GTF2IRD2: variants seen among roughly 807,000 people sequenced by gnomAD.
The protein encoded by GTF2IRD2 is GTF2I repeat domain containing 2, also known as general transcription factor II-I repeat domain-containing protein 2A.
Under a neutral mutation model 49.2 loss-of-function variants are expected in GTF2IRD2, and 8 were observed. That is an observed-to-expected ratio of 0.16 (90% CI 0.10 to 0.29). The LOEUF (loss-of-function observed/expected upper bound fraction) is 0.29, where lower values mean the gene tolerates loss of function less well. GTF2IRD2 is among the 10% of genes least tolerant of loss of function. The probability of loss-of-function intolerance (pLI) is 1.00; values close to 1 mark genes in which losing one functional copy is unlikely to be tolerated. For missense variants in GTF2IRD2, 130 were observed against 725.7 expected, an observed-to-expected ratio of 0.18 and a Z score of 9.43; for synonymous variants, 47 against 289.7, an observed-to-expected ratio of 0.16 and a Z score of 8.51.
intron 15 of GTF2IRD2, chr7:74,799,302 A>T: frequency 6.9e-6 from 1 of 145,174 alleles, no homozygotes; most frequent in Non-Finnish European, 1.3e-5. Flanking sequence ...CCCAGGCTGG[A>T]GTGTAGTATT....
At position 74,797,679 on chromosome 7, in the gene GTF2IRD2, C is replaced by T. The variant is rs782480852; in HGVS notation, c.1833G>A (p.Ser611=). The T allele has an allele frequency of 6.3e-6, 10 of 1,582,068 alleles. No individual in the cohort carries two copies. Among genetic ancestry groups the T allele is most frequent in the African/African-American group, 5.5e-5 (4 of 72,482 alleles). The change falls in exon 16 of 16, where the codon TCG becomes TCA. Residue 611 remains serine (S), a synonymous_variant. Transcript: ENST00000451013. ...CAGTGGAGGCCACGCTTACTAATTT[C>T]GACCAGTCGATACAGAAGTTTTTCA... ...KSLKNFCIDW[S]KLVSVASTGT...
At position 74,842,366 on chromosome 7, in the gene GTF2IRD2, A is replaced by T. The variant is rs1325163539; in HGVS notation, c.-5-5983T>A. 1.4e-3 allele frequency among the ~76,000 whole-genome samples: 191 copies of T among 133,680 alleles called. 7 individuals are homozygous for T. The highest frequency in any genetic ancestry group is 2.0e-3 in the Non-Finnish European group (129 of 63,900). 87.7% of individuals were successfully genotyped at this position (133,680 alleles called of 152,430 possible). A position where few individuals can be genotyped will look rare whatever the true frequency, so the allele number is the denominator to read the frequency against. On this transcript the variant is annotated intron_variant, in intron 1 of 15. Coordinates refer to ENST00000451013, the MANE Select transcript of GTF2IRD2 (RefSeq NM_173537.5). ...TGCCTCAGCCTCCTGAGTAGCTAGG[A>T]TTACAGGCGTGCACCACCATGCCCA...
At chr7:74,826,691 A>G (rs1446852755) in intron 3 of GTF2IRD2, among the ~76,000 whole-genome samples, 1 of 71,544 alleles carries the variant, frequency 1.4e-5, no homozygotes, top group Admixed American at 1.6e-4. Context: ...AAAAGACATC[A>G]TTTCATTCTT....
intron 3 of GTF2IRD2, among the ~76,000 whole-genome samples, chr7:74,826,789 G>T (rs1201759702): frequency 8.5e-6 from 1 of 116,966 alleles, no homozygotes; most frequent in African/African-American, 3.3e-5. Context: ...TCGGCTCACT[G>T]CAACCTCTGC....
intron 3 of GTF2IRD2, among the ~76,000 whole-genome samples, chr7:74,830,178 G>C (rs1471218731): frequency 1.1e-5 from 1 of 94,108 alleles, no homozygotes; most frequent in Non-Finnish European, 2.2e-5. Context: ...ACCAGACTGG[G>C]TAATATAGCA....
intron 1 of GTF2IRD2, among the ~76,000 whole-genome samples, chr7:74,841,190 T>C (rs1188595911): frequency 1.5e-5 from 2 of 133,894 alleles, no homozygotes; most frequent in Non-Finnish European, 3.1e-5. Flanking sequence ...TTTTTTGACA[T>C]GGAGTCTCAC....
intron 8 of GTF2IRD2, among the ~76,000 whole-genome samples, chr7:74,815,837 A>AGAAG (rs1798484183): frequency 2.0e-5 from 2 of 101,188 alleles, no homozygotes; most frequent in East Asian, 5.2e-4. Flanking sequence ...AAAGAAAGAA[A>AGAAG]GAAAGAAAGA....
intron 3 of GTF2IRD2, among the ~76,000 whole-genome samples, chr7:74,831,455 ACAC>A (rs1283508305): frequency 1.3e-5 from 2 of 150,078 alleles, no homozygotes; most frequent in African/African-American, 2.5e-5. Context: ...ACACACACAC[ACAC>A]TTTATATACC....
chr7:74,797,666 C>T lies in GTF2IRD2; in HGVS notation c.1846G>A (p.Val616Met), dbSNP rs782788581. Reference protein sequence around the residue: ...FCIDWSKLVSVASTGTPAMVD... With the variant: ...FCIDWSKLVSMASTGTPAMVD... Reference sequence around the variant, plus strand: ...ATCGCTGGGGTGCCAGTGGAGGCCACGCTTACTAATTTCGACCAGTCGATA... The same window carrying T: ...ATCGCTGGGGTGCCAGTGGAGGCCATGCTTACTAATTTCGACCAGTCGATA... Residue 616 changes from valine to methionine, a missense_variant, in exon 16 of 16, where the codon GTG becomes ATG. Physicochemically the swap from Val to Met is conservative, Grantham distance 21 (BLOSUM62 1). Transcript: ENST00000451013. 233 of 1,606,922 alleles carry T rather than the reference C, an allele frequency of 1.4e-4. 5 individuals carry two copies. The South Asian group carries it at 2.3e-3, about 16-fold the overall frequency.
chr7:74,821,889 C>CT (rs1407107990), intron 6 of GTF2IRD2: 4 of 54,266 alleles, frequency 7.4e-5, no homozygotes, highest in East Asian at 1.4e-3. Flanking sequence ...ATGTATTTTT[C>CT]TTTTTTTAAA....
chr7:74,840,706 G>T (rs1245243574), intron 1 of GTF2IRD2, among the ~76,000 whole-genome samples: 1 of 133,224 alleles, frequency 7.5e-6, no homozygotes, highest in Non-Finnish European at 1.6e-5. Context: ...ACCAGAGGAG[G>T]CATCGGGCCA....
At chr7:74,821,875 A>T (rs1798907276) in intron 6 of GTF2IRD2, 1 of 76,188 alleles carries the variant, frequency 1.3e-5, no homozygotes, top group East Asian at 5.9e-4. Flanking sequence ...TTTAATAGCT[A>T]CAAATGTATT....
intron 11 of GTF2IRD2, among the ~76,000 whole-genome samples, chr7:74,807,414 A>G (rs1370013244): frequency 1.5e-5 from 1 of 68,094 alleles, no homozygotes; most frequent in African/African-American, 4.6e-5. Context: ...AGTAGCTGGG[A>G]TTACAGACAC....
intron 11 of GTF2IRD2, among the ~76,000 whole-genome samples, chr7:74,808,617 A>AT (rs1413498460): frequency 2.8e-5 from 2 of 70,538 alleles, no homozygotes; most frequent in Non-Finnish European, 6.7e-5. Flanking sequence ...TTTCTTTCTA[A>AT]TTTTTTTTTG....
rs1199314052 is a variant in GTF2IRD2 at position 74,809,771 on chromosome 7, A to C, written c.806-598T>G. On this transcript the variant is annotated intron_variant, in intron 10 of 15. Coordinates refer to ENST00000451013, the MANE Select transcript of GTF2IRD2 (RefSeq NM_173537.5). ...AGATGTCCCACGCCTCTAGGTTTGG[A>C]AAGGAAATCTTTATTATTATTATTA... Among the ~76,000 whole-genome samples, 649 of 133,870 alleles carry C rather than the reference A, an allele frequency of 4.8e-3. 15 individuals carry two copies. Among genetic ancestry groups the C allele is most frequent in the African/African-American group, 0.016 (614 of 38,056 alleles). The allele number at this position is 133,870 out of a possible 152,430, so 87.8% of individuals were successfully genotyped here. A position where few individuals can be genotyped will look rare whatever the true frequency, so the allele number is the denominator to read the frequency against.
chr7:74,808,741 AT>A (rs371258922), intron 11 of GTF2IRD2, among the ~76,000 whole-genome samples: 24,794 of 63,986 alleles, frequency 0.39, 8,327 homozygotes, highest in African/African-American at 0.74. Flanking sequence ...CTTCCCCACA[AT>A]TTTTTTTTTT....
At chr7:74,840,859 AT>A (rs1800760673) in intron 1 of GTF2IRD2, among the ~76,000 whole-genome samples, 1 of 132,280 alleles carries the variant, frequency 7.6e-6, no homozygotes, top group East Asian at 2.2e-4. Context: ...TTTTATATGT[AT>A]TTTTTGAGAC....
chr7:74,831,789 C>T (rs2131768121), intron 3 of GTF2IRD2, among the ~76,000 whole-genome samples: 1 of 65,172 alleles, frequency 1.5e-5, no homozygotes, highest in South Asian at 6.0e-4. Context: ...GAGATCCTCT[C>T]ACCTGAGCCT....
chr7:74,830,178 G>T (rs1471218731), intron 3 of GTF2IRD2, among the ~76,000 whole-genome samples: 2 of 94,108 alleles, frequency 2.1e-5, no homozygotes, highest in African/African-American at 3.3e-5. Context: ...ACCAGACTGG[G>T]TAATATAGCA....
Sources: allele counts gnomAD v4.1 joint callset (sites outside exome capture counted in the v4.1 genomes callset), GRCh38; gene constraint gnomAD v4.1.1; transcripts MANE v1.5; gene names NCBI Gene and HGNC (gene_info 2026-07-23, HGNC 2026-07-21).